Variants in DHX57 observed in about 807,000 individuals in gnomAD.
DHX57 encodes DExH-box helicase 57.
In DHX57, 105 loss-of-function variants were observed where a neutral mutation model predicts 156.2. The observed-to-expected ratio is 0.67, with a 90% CI of 0.57 to 0.79. DHX57 has a LOEUF of 0.79. Ranked by LOEUF, DHX57 falls within the 30% of genes least tolerant of loss-of-function variation. The pLI is 0.00. For synonymous variants in DHX57, 704 were observed against 595.6 expected, an observed-to-expected ratio of 1.18 and a Z score of -2.65; for missense variants, 1,847 against 1,661.9, an observed-to-expected ratio of 1.11 and a Z score of -1.94.
chr2:38,837,978 A>G (rs769379674), intron 12 of DHX57, 31 bp from the exon 13 acceptor site: 1 of 1,325,498 alleles, frequency 7.5e-7, no homozygotes, highest in Non-Finnish European at 1.1e-6. Context: ...AATGAGAAGG[A>G]TATTTATACC....
In DHX57 at chr2:38,843,052, A is replaced by G; in HGVS notation, c.2378T>C (p.Val793Ala). 6.2e-7 allele frequency: 1 copy of G among 1,614,186 alleles called. No homozygotes were observed. Among genetic ancestry groups the G allele is most frequent in the Non-Finnish European group, 8.5e-7 (1 of 1,180,012 alleles). Residue 793 changes from valine to alanine, a missense_variant, in exon 12 of 24, where the codon GTG becomes GCG. Val to Ala is a moderately conservative substitution (Grantham distance 64). Transcript: ENST00000457308. ...LQDQDSVKDA[V>A]PDQQLDFKQL... is the part of the protein sequence containing the mutation. ...CTTAAAATCTAACTGTTGATCTGGC[A>G]CTGCATCTTTGACAGAATCCTGATC...
rs1373364682 is a variant in DHX57 at position 38,855,152 on chromosome 2, T to C, written c.1810A>G (p.Ile604Val). Residue 604 changes from isoleucine (I) to valine (V), a missense_variant, in exon 8 of 24, where the codon ATC becomes GTC. Ile to Val is a conservative substitution (Grantham distance 29). Transcript: ENST00000457308. Reference protein sequence around the residue: ...ANIICTQPRRISAISVAERVA... With the variant: ...ANIICTQPRRVSAISVAERVA... ...CGTTCAGCAACAGAGATTGCAGAGATTCGTCGGGGTTGGGTACAGATGATG... is the reference window on the plus strand; with the variant it reads ...CGTTCAGCAACAGAGATTGCAGAGACTCGTCGGGGTTGGGTACAGATGATG... The C allele has an allele frequency of 6.2e-6, 10 of 1,613,982 alleles. No individual in the cohort carries two copies. The highest frequency in any genetic ancestry group is 7.6e-6 in the Non-Finnish European group (9 of 1,180,010).
chr2:38,868,241 A>G lies in DHX57; in HGVS notation c.165T>C (p.Ser55=), dbSNP rs749443138. 1.2e-6 allele frequency: 2 copies of G among 1,614,000 alleles called. No individual in the cohort carries two copies. Among genetic ancestry groups the G allele is most frequent in the East Asian group, 4.5e-5 (2 of 44,878 alleles). Residue 55 remains serine (S), a synonymous_variant, in exon 2 of 24, where the codon AGT becomes AGC. Transcript: ENST00000457308. ...AGTCATCTCCATCATCCCATATTCT[A>G]CTGGAGGCCTTTCTGTTGCCGCCAC... ...GGGGGNRKAS[S]RIWDDGDDFC... is the part of the protein sequence containing the mutation.
intron 21 of DHX57, among the ~76,000 whole-genome samples, chr2:38,812,139 T>C (rs1028457103): frequency 2.0e-5 from 3 of 152,188 alleles, no homozygotes; most frequent in African/African-American, 7.2e-5. Flanking sequence ...ACAGAGTTCC[T>C]TGTACCCTTC....
At chr2:38,813,698 T>C in intron 21 of DHX57, 123 bp downstream of exon 21, 1 of 1,115,768 alleles carries the variant, frequency 9.0e-7, no homozygotes, top group African/African-American at 1.6e-5. Flanking sequence ...TTTAAAAGGG[T>C]GTGCGTGTGT....
At chr2:38,803,013 C>A in intron 22 of DHX57, 98 bp from the exon 23 acceptor site, 3 of 1,337,430 alleles carry the variant, frequency 2.2e-6, no homozygotes, top group Non-Finnish European at 3.1e-6. Flanking sequence ...CTATTAATGA[C>A]TCCCCAAATT....
At chr2:38,811,594 G>T in intron 21 of DHX57, 1 of 1,367,066 alleles carries the variant, frequency 7.3e-7, no homozygotes, top group Non-Finnish European at 1.0e-6. Flanking sequence ...AGCCACACGA[G>T]GATGCAGGAG....
At chr2:38,858,614 C>A in intron 6 of DHX57, 47 bp downstream of exon 6, 1 of 1,550,376 alleles carries the variant, frequency 6.5e-7, no homozygotes, top group South Asian at 1.2e-5. Context: ...ATCCCATCAT[C>A]CAGATATTAG....
intron 23 of DHX57, among the ~76,000 whole-genome samples, chr2:38,800,255 G>A (rs979205302): frequency 6.6e-6 from 1 of 151,638 alleles, no homozygotes; most frequent in African/African-American, 2.4e-5. Flanking sequence ...TCAGGATGCT[G>A]AGGCAGGAGA....
chr2:38,866,134 C>T (rs1308799533), intron 2 of DHX57, among the ~76,000 whole-genome samples: 1 of 152,168 alleles, frequency 6.6e-6, no homozygotes, highest in Non-Finnish European at 1.5e-5. Context: ...TGAATAGAAA[C>T]AACTCTGGCC....
rs550589822 is a variant in DHX57, at chr2:38,799,080, A to C, written c.4018-638T>G. Among the ~76,000 whole-genome samples, 326 of 150,630 alleles carry C rather than the reference A, an allele frequency of 2.2e-3. 3 individuals carry two copies. The highest frequency in any genetic ancestry group is 7.6e-3 in the African/African-American group (311 of 40,962). On this transcript the variant is annotated intron_variant, in intron 23 of 23. Transcript: ENST00000457308. ...AAATGGGGAATTAAAAGTGGTAGAG[A>C]GGGCCGGGCCCGGTGGCTCACGCCT... is the stretch of plus-strand genomic sequence containing the variant.
At chr2:38,819,505 A>T (rs2148554298) in intron 17 of DHX57, among the ~76,000 whole-genome samples, 1 of 152,322 alleles carries the variant, frequency 6.6e-6, no homozygotes, top group South Asian at 2.1e-4. Context: ...TGAGGTTTCA[A>T]ATGGCATTTT....
intron 2 of DHX57, among the ~76,000 whole-genome samples, chr2:38,867,459 G>C (rs766965307): frequency 1.8e-4 from 28 of 152,118 alleles, no homozygotes; most frequent in Admixed American, 3.3e-4. Context: ...TCTGTTACTG[G>C]TCACCACATG....
chr2:38,804,855 C>T (rs1327978209), intron 22 of DHX57, among the ~76,000 whole-genome samples: 1 of 152,176 alleles, frequency 6.6e-6, no homozygotes, highest in Non-Finnish European at 1.5e-5. Context: ...CCCTGACCAC[C>T]CCACGTGCAG....
At position 38,823,213 on chromosome 2, in the gene DHX57, A is replaced by C; in HGVS notation, c.3071T>G (p.Leu1024Arg). Residue 1024 changes from leucine (L) to arginine (R), a missense_variant, in exon 17 of 24, where the codon CTC (leucine) becomes CGC (arginine). Coordinates refer to ENST00000457308, the MANE Select transcript of DHX57 (RefSeq NM_198963.3). ...AGAATCGGTGTGTGGAGGTTCAATG[A>C]GCCGAGAGAACACAGACTGGAGATT... is the stretch of plus-strand genomic sequence containing the variant. ...AHNLQSVFSR[L>R]IEPPHTDSLR... 1 of 1,614,202 alleles carries C rather than the reference A, an allele frequency of 6.2e-7. No homozygotes were observed. Among genetic ancestry groups the C allele is most frequent in the East Asian group, 2.2e-5 (1 of 44,886 alleles).
At position 38,868,283 on chromosome 2, in the gene DHX57, A is replaced by T; in HGVS notation, c.123T>A (p.Gly41=). 1 of 1,567,372 alleles carries T rather than the reference A, an allele frequency of 6.4e-7. No homozygotes were observed. Among genetic ancestry groups the T allele is most frequent in the Non-Finnish European group, 8.7e-7 (1 of 1,149,592 alleles). Reference sequence around the variant, plus strand: ...TGCCGCCACCTCCACCACCACCACCACCGCCACCGCCACCACTCCCATGAG... The same window carrying T: ...TGCCGCCACCTCCACCACCACCACCTCCGCCACCGCCACCACTCCCATGAG... The part of the protein sequence containing the change: ...SKSHGSGGGG[G]GGGGGGGGNR... Residue 41 remains glycine (G), a synonymous_variant, in exon 2 of 24, where the codon GGT becomes GGA. Transcript: ENST00000457308.
chr2:38,840,119 AT>A (rs997562867), intron 12 of DHX57, among the ~76,000 whole-genome samples: 2 of 151,938 alleles, frequency 1.3e-5, no homozygotes, highest in African/African-American at 2.4e-5. Flanking sequence ...TAATTTAAAA[AT>A]TTTTTTAAGA....
rs375561566 is a variant in DHX57, at chr2:38,868,229, A to G, written c.177T>C (p.Asp59=). 1.2e-5 allele frequency: 20 copies of G among 1,614,050 alleles called. No homozygotes were observed. The African/African-American group carries it at 2.3e-4, about 18-fold the overall frequency. ...GNRKASSRIW[D]DGDDFCIFSE... is the part of the protein sequence containing the mutation. ...TGAAGATACAAAAGTCATCTCCATCATCCCATATTCTACTGGAGGCCTTTC... is the reference window on the plus strand; with the variant it reads ...TGAAGATACAAAAGTCATCTCCATCGTCCCATATTCTACTGGAGGCCTTTC... Residue 59 remains aspartate (D), a synonymous_variant, in exon 2 of 24, where the codon GAT becomes GAC. Coordinates refer to ENST00000457308, the MANE Select transcript of DHX57 (RefSeq NM_198963.3).
intron 22 of DHX57, among the ~76,000 whole-genome samples, chr2:38,805,619 C>G (rs1193183755): frequency 1.3e-5 from 2 of 151,980 alleles, no homozygotes; most frequent in African/African-American, 4.8e-5. Flanking sequence ...GACCTGGTGA[C>G]CAACTCAGTT....
Sources: allele counts gnomAD v4.1 joint callset (sites outside exome capture counted in the v4.1 genomes callset), GRCh38; gene constraint gnomAD v4.1.1; transcripts MANE v1.5; gene names NCBI Gene and HGNC (gene_info 2026-07-23, HGNC 2026-07-21).